The following ACOT7 variants were observed in gnomAD, a reference collection of about 807,000 sequenced individuals.
ACOT7 encodes acyl-CoA thioesterase 7.
ACOT7 carries 12 observed loss-of-function variants against 40.2 expected under a neutral mutation model. The ratio of observed to expected loss-of-function variants is 0.30; its 90% confidence interval spans 0.19 to 0.48. ACOT7 has a LOEUF of 0.48. Among genes scored for constraint, ACOT7 ranks in the 20% least tolerant of loss-of-function variants. The pLI, the probability that ACOT7 is intolerant of heterozygous loss-of-function variation, is 0.99. For synonymous variants in ACOT7, 228 were observed against 219.5 expected (o/e 1.04, Z -0.34); for missense variants, 395 against 530.8 (o/e 0.74, Z 2.51).
intron 8 of ACOT7, among the ~76,000 whole-genome samples, chr1:6,270,410 C>T (rs1638996111): frequency 6.6e-6 from 1 of 152,194 alleles, no homozygotes. Context: ...GGGGCACTGG[C>T]CAGTGGTGCC....
Position 6,306,182 on chromosome 1 carries a change from A to G in ACOT7, c.713-11202T>C. 1.1e-6 allele frequency: 1 copy of G among 885,254 alleles called. No homozygotes were observed. Among genetic ancestry groups the G allele is most frequent in the Non-Finnish European group, 1.3e-6 (1 of 760,614 alleles). 54.8% of individuals were successfully genotyped at this position (885,254 alleles called of 1,614,324 possible). ...TCGGCATCAGAGGGAGACCGTGGCA[A>G]GAGAGGGAGAGGGAGACCGTGGGGA... On this transcript the variant is annotated intron_variant, in intron 6 of 8. Transcript: ENST00000361521. The surrounding 1 kb of genome is among the most constrained non-coding windows in gnomAD (Gnocchi z 4.3).
At chr1:6,276,500 A>T (rs1176953225) in intron 8 of ACOT7, among the ~76,000 whole-genome samples, 1 of 151,974 alleles carries the variant, frequency 6.6e-6, no homozygotes, top group East Asian at 1.9e-4. Context: ...ATGGAGACGC[A>T]ACTCCAAGCA....
intron 7 of ACOT7, among the ~76,000 whole-genome samples, chr1:6,291,473 C>G (rs561392797): frequency 3.4e-4 from 52 of 152,326 alleles, no homozygotes; most frequent in African/African-American, 1.2e-3. Flanking sequence ...GCCTTGATTT[C>G]AGAATTCTGG....
Position 6,353,000 on chromosome 1 carries a change from T to G in ACOT7, c.144-3134A>C, listed in dbSNP as rs1641637728. Among the ~76,000 whole-genome samples the G allele has an allele frequency of 6.6e-6, 1 of 152,146 alleles. No individual in the cohort carries two copies. Among genetic ancestry groups the G allele is most frequent in the East Asian group, 1.9e-4 (1 of 5,186 alleles). On this transcript the variant is annotated intron_variant, in intron 1 of 8. Coordinates refer to ENST00000361521, the MANE Select transcript of ACOT7 (RefSeq NM_007274.4). The surrounding 1 kb of genome is among the most constrained non-coding windows in gnomAD (Gnocchi z 4.5). ...TTCAAGCGATTCCCCTGCCTCAGCC[T>G]TCCGAGTAAGTGGGATTACAAGCAT...
intron 7 of ACOT7, among the ~76,000 whole-genome samples, chr1:6,286,393 T>G (rs72854316): frequency 0.031 from 4,781 of 152,210 alleles, 189 homozygotes; most frequent in African/African-American, 0.093. Flanking sequence ...AGGGCCCTGA[T>G]GAAGCCAGAT....
intron 6 of ACOT7, among the ~76,000 whole-genome samples, chr1:6,316,960 C>T (rs1254866332): frequency 6.6e-6 from 1 of 152,102 alleles, no homozygotes; most frequent in Non-Finnish European, 1.5e-5. Context: ...CTGAGGTGTC[C>T]CTGGTAGAAA....
intron 8 of ACOT7, among the ~76,000 whole-genome samples, chr1:6,273,880 C>T (rs556959231): frequency 6.6e-5 from 10 of 152,308 alleles, no homozygotes; most frequent in East Asian, 1.9e-4. Context: ...CCTGTGGCAA[C>T]GGGGTGTCTA....
At chr1:6,321,162 T>C (rs1003717945) in intron 5 of ACOT7, among the ~76,000 whole-genome samples, 3 of 152,208 alleles carry the variant, frequency 2.0e-5, no homozygotes, top group Non-Finnish European at 2.9e-5. Flanking sequence ...GGTTCTTCCC[T>C]GTTGGTTATC....
intron 3 of ACOT7, among the ~76,000 whole-genome samples, 196 bp downstream of exon 3, chr1:6,339,237 C>A (rs1454858676): frequency 6.6e-6 from 1 of 152,228 alleles, no homozygotes; most frequent in Non-Finnish European, 1.5e-5. Context: ...CGTTTCCTAA[C>A]CCCTCTGTGC....
intron 4 of ACOT7, among the ~76,000 whole-genome samples, chr1:6,331,984 G>A (rs988106591): frequency 1.1e-4 from 16 of 152,194 alleles, no homozygotes; most frequent in Non-Finnish European, 1.8e-4. Context: ...CTGGTGACCG[G>A]GGGGCCACGG....
intron 8 of ACOT7, among the ~76,000 whole-genome samples, chr1:6,271,551 C>A (rs1190554182): frequency 6.6e-6 from 1 of 152,218 alleles, no homozygotes; most frequent in African/African-American, 2.4e-5. Context: ...CTCACAAGCA[C>A]CTGTGCCCCC....
intron 5 of ACOT7, 83 bp downstream of exon 5, chr1:6,327,216 G>A (rs6577570): frequency 0.034 from 47,068 of 1,365,852 alleles, 3,627 homozygotes; most frequent in African/African-American, 0.3. Flanking sequence ...CAAGCATGAG[G>A]CTCACGTAGG....
intron 6 of ACOT7, among the ~76,000 whole-genome samples, chr1:6,303,956 T>C (rs553719826): frequency 6.6e-6 from 1 of 152,196 alleles, no homozygotes; most frequent in Non-Finnish European, 1.5e-5. Context: ...TGAGTATCCA[T>C]GCTTCACTTT....
intron 8 of ACOT7, among the ~76,000 whole-genome samples, chr1:6,277,883 T>C (rs1363765036): frequency 6.6e-6 from 1 of 152,124 alleles, no homozygotes; most frequent in Non-Finnish European, 1.5e-5. Context: ...CAGCAGATGA[T>C]GAAGGCCCCC....
At chr1:6,321,747 C>T (rs1192673599) in intron 5 of ACOT7, among the ~76,000 whole-genome samples, 1 of 152,222 alleles carries the variant, frequency 6.6e-6, no homozygotes, top group Non-Finnish European at 1.5e-5. Context: ...CGTGATCCAC[C>T]CACCTCAGCC....
In ACOT7 at chr1:6,269,406, G is replaced by GGCCCT. The variant is rs562630380; in HGVS notation, c.1015-4716_1015-4712dup. On this transcript the variant is annotated intron_variant, in intron 8 of 8. Coordinates refer to ENST00000361521, the MANE Select transcript of ACOT7 (RefSeq NM_007274.4). ...CTGAGCTTGGCCTCCCCCAGGCGGG[G>GGCCCT]GCCCTGCCCTGCCCTCAGCCATATT... Among the ~76,000 whole-genome samples the GGCCCT allele has an allele frequency of 3.3e-5, 5 of 152,300 alleles. No individual in the cohort carries two copies. In the South Asian group the frequency reaches 1.0e-3, roughly 32 times the overall value.
At chr1:6,296,867 G>T (rs1319713564) in intron 6 of ACOT7, among the ~76,000 whole-genome samples, 1 of 151,992 alleles carries the variant, frequency 6.6e-6, no homozygotes, top group Non-Finnish European at 1.5e-5. Context: ...GTAGGCCACC[G>T]CTCCTGACTC....
At chr1:6,335,251 C>T in intron 3 of ACOT7, among the ~76,000 whole-genome samples, 1 of 150,378 alleles carries the variant, frequency 6.6e-6, no homozygotes, top group African/African-American at 2.5e-5. Flanking sequence ...AGCTTGAACC[C>T]AGGAGGCAGA....
At chr1:6,284,890 T>TA (rs1639460661) in intron 7 of ACOT7, among the ~76,000 whole-genome samples, 1 of 152,170 alleles carries the variant, frequency 6.6e-6, no homozygotes. Context: ...GCCCTCCTCT[T>TA]ACAGCTATCT....
Sources: allele counts gnomAD v4.1 joint callset (sites outside exome capture counted in the v4.1 genomes callset), GRCh38; gene constraint gnomAD v4.1.1; non-coding constraint Gnocchi (gnomAD v3.1); transcripts MANE v1.5; gene names NCBI Gene and HGNC (gene_info 2026-07-23, HGNC 2026-07-21).